The following C8orf89 variants were observed in gnomAD, a reference collection of about 807,000 sequenced individuals.
C8orf89 encodes the protein chromosome 8 open reading frame 89.
A neutral mutation model predicts 15.8 loss-of-function variants in C8orf89; 14 were observed. That is an observed-to-expected ratio of 0.89 (90% CI 0.59 to 1.39). The LOEUF is 1.39. Ranked by LOEUF, C8orf89 falls within the 40% of genes most tolerant of loss-of-function variation. C8orf89 has a pLI of 0.00. For synonymous variants in C8orf89, 55 were observed against 62.2 expected (o/e 0.88, Z 0.54); for missense variants, 181 against 184.5 (o/e 0.98, Z 0.11).
the C8orf89 span, among the ~76,000 whole-genome samples, chr8:73,283,360 G>A: frequency 6.6e-6 from 1 of 152,148 alleles, no homozygotes; most frequent in South Asian, 2.1e-4. Context: ...ACTGAGCAGG[G>A]ATTCAGACCC....
At chr8:73,245,253 G>C (rs11996484) in intron 3 of C8orf89, among the ~76,000 whole-genome samples, 38 of 152,216 alleles carry the variant, frequency 2.5e-4, no homozygotes, top group African/African-American at 7.9e-4. Context: ...GATTTCAATG[G>C]GGACACAGTC....
upstream of C8orf89, chr8:73,259,558 GA>G (rs1813483476): frequency 2.7e-6 from 2 of 736,732 alleles, no homozygotes; most frequent in African/African-American, 1.8e-5. Flanking sequence ...AAGGCAAACA[GA>G]TGTGTCATAA....
rs201760278 is a variant in C8orf89, at chr8:73,241,395, TA to T, written c.*61del. Reference sequence around the variant, plus strand: ...ATAAATCATTTTGCATCATATCATATAAAAAAAGAAAATATAAAGCTTAAAA... The same window carrying T: ...ATAAATCATTTTGCATCATATCATATAAAAAAGAAAATATAAAGCTTAAAA... On this transcript the variant is annotated 3_prime_UTR_variant, in exon 4 of 4. Transcript: ENST00000624510. 2.5e-3 allele frequency: 3,173 copies of T among 1,286,530 alleles called. 48 individuals carry two copies. The African/African-American group carries it at 0.04, about 16-fold the overall frequency. The allele number at this position is 1,286,530 out of a possible 1,614,324, so 79.7% of individuals were successfully genotyped here.
chr8:73,265,573 A>G, the C8orf89 span, among the ~76,000 whole-genome samples: 3 of 152,226 alleles, frequency 2.0e-5, no homozygotes, highest in Non-Finnish European at 4.4e-5. Flanking sequence ...TTGCTGGGCA[A>G]TGACACAGAG....
At chr8:73,282,850 T>A in the C8orf89 span, among the ~76,000 whole-genome samples, 3 of 152,208 alleles carry the variant, frequency 2.0e-5, no homozygotes, top group Non-Finnish European at 4.4e-5. Flanking sequence ...CAAAGCTGAA[T>A]GAGGCTGGGA....
At chr8:73,251,098 C>T (rs1270061019) in intron 2 of C8orf89, among the ~76,000 whole-genome samples, 6 of 152,068 alleles carry the variant, frequency 3.9e-5, no homozygotes, top group Non-Finnish European at 8.8e-5. Flanking sequence ...TGAGCCCAGC[C>T]TCTTGAAACC....
chr8:73,246,236 C>T (rs774645386), intron 3 of C8orf89, among the ~76,000 whole-genome samples: 19 of 152,148 alleles, frequency 1.2e-4, no homozygotes, highest in Non-Finnish European at 1.9e-4. Flanking sequence ...AGAAGACTTA[C>T]TTTGTTGCAG....
At chr8:73,282,754 A>G in the C8orf89 span, among the ~76,000 whole-genome samples, 1 of 152,254 alleles carries the variant, frequency 6.6e-6, no homozygotes, top group Non-Finnish European at 1.5e-5. Context: ...CAAGGCAATC[A>G]TAATAGTCCA....
At chr8:73,247,251 T>C (rs1813147975) in intron 3 of C8orf89, among the ~76,000 whole-genome samples, 1 of 106,892 alleles carries the variant, frequency 9.4e-6, no homozygotes, top group African/African-American at 3.7e-5. Context: ...GCTCCATCCA[T>C]GTTCCTGCAA....
At chr8:73,281,447 T>C in the C8orf89 span, among the ~76,000 whole-genome samples, 25 of 150,796 alleles carry the variant, frequency 1.7e-4, no homozygotes, top group African/African-American at 6.0e-4. Flanking sequence ...TTGAGAAAGA[T>C]ATTTATTTAT....
chr8:73,250,224 T>A (rs985716745), intron 3 of C8orf89, 44 bp downstream of exon 3: 2 of 1,310,820 alleles, frequency 1.5e-6, no homozygotes, highest in African/African-American at 1.5e-5. Flanking sequence ...ATAAGGTATA[T>A]GACACCCAAG....
the C8orf89 span, among the ~76,000 whole-genome samples, chr8:73,269,395 C>A: frequency 6.6e-6 from 1 of 152,198 alleles, no homozygotes; most frequent in Non-Finnish European, 1.5e-5. Context: ...TCTCAGTTAA[C>A]CACCACTGTC....
chr8:73,250,665 C>G (rs1405577314), intron 2 of C8orf89, among the ~76,000 whole-genome samples: 1 of 152,178 alleles, frequency 6.6e-6, no homozygotes, highest in Non-Finnish European at 1.5e-5. Flanking sequence ...TTTTACCTAT[C>G]AATCACCTCA....
In C8orf89 at chr8:73,253,124, C is replaced by T. The variant is rs562682490; in HGVS notation, c.282-2801G>A. Among the ~76,000 whole-genome samples, 3 of 152,274 alleles carry T rather than the reference C, an allele frequency of 2.0e-5. No individual in the cohort carries two copies. In the East Asian group the frequency reaches 5.8e-4, roughly 29 times the overall value. On this transcript the variant is annotated intron_variant, in intron 2 of 3. Transcript: ENST00000624510. ...CGCCACTGCACTCCAGCCTGGGCGA[C>T]AGAGCTAGACTCCGTCTCAAAAAAA...
the C8orf89 span, among the ~76,000 whole-genome samples, chr8:73,265,475 T>C: frequency 2.6e-5 from 4 of 152,048 alleles, no homozygotes; most frequent in East Asian, 7.7e-4. Flanking sequence ...AAGAAGGGAG[T>C]TGTTAATTCT....
At chr8:73,285,812 C>G in the C8orf89 span, among the ~76,000 whole-genome samples, 1 of 152,196 alleles carries the variant, frequency 6.6e-6, no homozygotes, top group African/African-American at 2.4e-5. Context: ...CGGGGCGGGA[C>G]AGGTGATGCA....
At chr8:73,278,523 T>A in the C8orf89 span, among the ~76,000 whole-genome samples, 1 of 152,180 alleles carries the variant, frequency 6.6e-6, no homozygotes, top group Non-Finnish European at 1.5e-5. Context: ...TAAAATTTTT[T>A]AAGATACTGT....
In C8orf89 at chr8:73,250,733, TA is replaced by T. The variant is rs541795808; in HGVS notation, c.282-411del. Among the ~76,000 whole-genome samples, 522 of 152,334 alleles carry T rather than the reference TA, an allele frequency of 3.4e-3. 1 individual carries two copies. The highest frequency in any genetic ancestry group is 7.6e-3 in the Admixed American group (117 of 15,304). ...AAATACATCTAGATAATAAGTAGAT[TA>T]TTAGGGGAAATATATCATGATTGAA... On this transcript the variant is annotated intron_variant, in intron 2 of 3. Transcript: ENST00000624510.
chr8:73,279,255 T>A, the C8orf89 span, among the ~76,000 whole-genome samples: 646 of 152,364 alleles, frequency 4.2e-3, 4 homozygotes, highest in African/African-American at 0.013. Flanking sequence ...TCGATATCTA[T>A]AGAAGTCAAG....
Sources: gnomAD v4.1 joint callset for allele counts (sites outside exome capture counted in the v4.1 genomes callset) on GRCh38, gnomAD v4.1.1 for gene constraint, MANE v1.5 for transcripts, NCBI Gene and HGNC (gene_info 2026-07-23, HGNC 2026-07-21) for gene names.